ERMP1: variants seen among roughly 807,000 people sequenced by gnomAD.
ERMP1 encodes the protein Felix-ina.
Under a neutral mutation model 92.0 loss-of-function variants are expected in ERMP1, and 86 were observed. That is an observed-to-expected ratio of 0.93 (90% CI 0.79 to 1.12). The LOEUF (loss-of-function observed/expected upper bound fraction) is 1.12. Among genes scored for constraint, ERMP1 ranks in the 50% most tolerant of loss-of-function variants. The pLI is 0.00. For missense variants in ERMP1, 1,342 were observed against 1,116.3 expected (o/e 1.20, Z -2.88); for synonymous variants, 530 against 412.8 (o/e 1.28, Z -3.44).
chr9:5,810,040 G>T lies in ERMP1; in HGVS notation c.1519C>A (p.His507Asn), dbSNP rs138074030. Residue 507 changes from histidine (H) to asparagine (N), a missense_variant, in exon 8 of 15, where the codon CAT becomes AAT. His to Asn is a moderately conservative substitution (Grantham distance 68). Transcript: ENST00000339450. The part of the protein sequence containing the change: ...TATVAKIILI[H>N]TLAKRFYYMN... ...TAATAAAATCTTTTCGCAAGAGTAT[G>T]TATAAGTATTATTTTGGCTACAGTT... is the stretch of plus-strand genomic sequence containing the variant. 1.1e-4 allele frequency: 185 copies of T among 1,611,826 alleles called. No individual in the cohort carries two copies. Among genetic ancestry groups the T allele is most frequent in the Non-Finnish European group, 1.5e-4 (182 of 1,178,196 alleles).
chr9:5,840,746 G>C (rs1830153439), intron 6 of ERMP1, among the ~76,000 whole-genome samples: 1 of 152,202 alleles, frequency 6.6e-6, no homozygotes, highest in African/African-American at 2.4e-5. Context: ...TAATAGGGTT[G>C]TCCTGAGGCC....
intron 10 of ERMP1, among the ~76,000 whole-genome samples, chr9:5,803,034 A>AAAACAAAC (rs143822704): frequency 1.3e-5 from 2 of 151,604 alleles, no homozygotes; most frequent in African/African-American, 4.8e-5. Context: ...CTCTGTCTCA[A>AAAACAAAC]AAACAAACAA....
chr9:5,858,519 T>C (rs1202863639), intron 6 of ERMP1, among the ~76,000 whole-genome samples: 8 of 152,206 alleles, frequency 5.3e-5, no homozygotes, highest in Non-Finnish European at 8.8e-5. Flanking sequence ...CACAGTGTCC[T>C]GCACACCTCC....
At position 5,797,928 on chromosome 9, in the gene ERMP1, T is replaced by C; in HGVS notation, c.2275A>G (p.Asn759Asp). 1 of 1,601,620 alleles carries C rather than the reference T, an allele frequency of 6.2e-7. No homozygotes were observed. Among genetic ancestry groups the C allele is most frequent in the Non-Finnish European group, 8.5e-7 (1 of 1,169,666 alleles). The change falls in exon 13 of 15, where the codon AAC becomes GAC. Residue 759 changes from asparagine to aspartate, a missense_variant. By Grantham distance (23) the Asn-to-Asp change is conservative. Transcript: ENST00000339450. ...ACTTCTGGGGCAGGAAGATACCAGTTTTTCCTATTTAGAAAGGAAGCTTCA... is the reference window on the plus strand; with the variant it reads ...ACTTCTGGGGCAGGAAGATACCAGTCTTTCCTATTTAGAAAGGAAGCTTCA... ...YLPVHFLIRK[N>D]WYLPAPEVSP...
intron 6 of ERMP1, among the ~76,000 whole-genome samples, chr9:5,842,410 G>T (rs1830176526): frequency 6.7e-6 from 1 of 148,790 alleles, no homozygotes. Flanking sequence ...TCCAGCCTGG[G>T]TGACAGGCAG....
At position 5,830,770 on chromosome 9, in the gene ERMP1, A is replaced by C. The variant is rs1366797276; in HGVS notation, c.597T>G (p.Ala199=). The C allele has an allele frequency of 2.5e-6, 4 of 1,614,136 alleles. No individual in the cohort carries two copies. The highest frequency in any genetic ancestry group is 1.6e-4 in the Middle Eastern group (1 of 6,062). The part of the protein sequence containing the change: ...KLEPRDGAQH[A]VLANCHFDSV... The stretch of plus-strand genomic sequence containing the variant: ...AGTCAAAATGACAATTAGCCAAGAC[A>C]GCATGCTGGGCTCCATCTCTGGGTT... Residue 199 remains alanine, a synonymous_variant, in exon 2 of 15, where the codon GCT becomes GCG. Transcript: ENST00000339450.
chr9:5,799,432 T>G (rs554712549), intron 11 of ERMP1, among the ~76,000 whole-genome samples: 1 of 152,284 alleles, frequency 6.6e-6, no homozygotes, highest in African/African-American at 2.4e-5. Flanking sequence ...GACAGCCTTG[T>G]GCCTAACAGA....
intron 8 of ERMP1, among the ~76,000 whole-genome samples, chr9:5,809,696 A>G (rs1829016625): frequency 6.6e-6 from 1 of 152,220 alleles, no homozygotes; most frequent in African/African-American, 2.4e-5. Flanking sequence ...CAAATAACAT[A>G]AATAAGTGGG....
rs566790616 is a variant in ERMP1 at position 5,857,499 on chromosome 9, T to C, written n.3199+1969A>G. On this transcript the variant is annotated intron_variant and non_coding_transcript_variant, in intron 6 of 6. Transcript: ENST00000690753. The stretch of plus-strand genomic sequence containing the variant: ...GGGATTACAAATAGATTTTAGTGAG[T>C]AGACGAATTTGCAAATATAGAATCT... Among the ~76,000 whole-genome samples the C allele has an allele frequency of 5.9e-4, 90 of 152,274 alleles. 1 individual carries two copies. The highest frequency in any genetic ancestry group is 2.1e-3 in the African/African-American group (87 of 41,542).
intron 3 of ERMP1, among the ~76,000 whole-genome samples, chr9:5,824,704 T>C (rs570632123): frequency 7.2e-4 from 110 of 152,264 alleles, no homozygotes; most frequent in Non-Finnish European, 1.1e-3. Context: ...CCTGGCCCCC[T>C]TCTCTTTTTA....
rs761713486 is a variant in ERMP1, at chr9:5,830,438, G to A, written c.640+289C>T. On this transcript the variant is annotated intron_variant, in intron 2 of 14. Transcript: ENST00000339450. ...TCCAGGACACTAGGACACACACACT[G>A]TCTGGTAACATTGAGAAAGCTGCTT... Among the ~76,000 whole-genome samples, 17 of 152,274 alleles carry A rather than the reference G, an allele frequency of 1.1e-4. No individual in the cohort carries two copies. In the South Asian group the frequency reaches 3.3e-3, roughly 30 times the overall value.
intron 6 of ERMP1, among the ~76,000 whole-genome samples, chr9:5,859,126 A>G (rs1830425661): frequency 6.6e-6 from 1 of 152,208 alleles, no homozygotes; most frequent in Non-Finnish European, 1.5e-5. Flanking sequence ...ACTCCAAGTC[A>G]TGTCCTCTCT....
At chr9:5,807,163 C>T (rs1828900297) in intron 8 of ERMP1, among the ~76,000 whole-genome samples, 1 of 152,164 alleles carries the variant, frequency 6.6e-6, no homozygotes, top group South Asian at 2.1e-4. Context: ...CTATTCATCC[C>T]CTGCCCACTC....
upstream of ERMP1, among the ~76,000 whole-genome samples, chr9:5,834,963 AGATG>A (rs369814930): frequency 6.0e-5 from 7 of 117,218 alleles, no homozygotes; most frequent in Admixed American, 5.5e-4. Context: ...GACAGATGAT[AGATG>A]GATAGATAGA....
At chr9:5,810,416 T>A (rs879667397) in intron 7 of ERMP1, among the ~76,000 whole-genome samples, 185 bp from the exon 8 acceptor site, 2 of 152,144 alleles carry the variant, frequency 1.3e-5, no homozygotes, top group Non-Finnish European at 2.9e-5. Flanking sequence ...AATAATAATA[T>A]TCAGGTAACA....
rs778249579 is a variant in ERMP1 at position 5,801,172 on chromosome 9, T to C, written c.2067+4A>G. 7 of 1,607,954 alleles carry C rather than the reference T, an allele frequency of 4.4e-6. No homozygotes were observed. In the Admixed American group the frequency reaches 1.2e-4, roughly 27 times the overall value. ...TCTCAAATACCTCATGCAAAACTGC[T>C]CACCTGAAGAAACACTCTCTTTGGC... is the stretch of plus-strand genomic sequence containing the variant. On this transcript the variant is annotated splice_donor_region_variant and intron_variant, in intron 11 of 14. Transcript: ENST00000339450.
intron 1 of ERMP1, 128 bp from the exon 2 acceptor site, chr9:5,831,156 C>T: frequency 1.5e-6 from 1 of 652,780 alleles, no homozygotes; most frequent in Non-Finnish European, 2.6e-6. Context: ...AAAGGGACCG[C>T]CTTTCATTAT....
At chr9:5,866,938 G>C (rs1000955801) in intron 5 of ERMP1, among the ~76,000 whole-genome samples, 1 of 152,164 alleles carries the variant, frequency 6.6e-6, no homozygotes, top group Non-Finnish European at 1.5e-5. Flanking sequence ...AGGCACAGTG[G>C]CTCATGCCTA....
In ERMP1 at chr9:5,832,993, C is replaced by A; in HGVS notation, c.35G>T (p.Arg12Leu). The change falls in exon 1 of 15, where the codon CGG becomes CTG. Residue 12 changes from arginine (R) to leucine (L), a missense_variant. By Grantham distance (102) the Arg-to-Leu change is moderately radical. Transcript: ENST00000339450. ...EWGSESAAVR[R>L]HRVGVERREG... ...TCGACGCTCTACTCCGACGCGGTGC[C>A]GCCTCACAGCAGCCGACTCAGAACC... 1 of 1,558,952 alleles carries A rather than the reference C, an allele frequency of 6.4e-7. No individual in the cohort carries two copies. The highest frequency in any genetic ancestry group is 8.6e-7 in the Non-Finnish European group (1 of 1,163,516).
Sources: gnomAD v4.1 joint callset for allele counts (sites outside exome capture counted in the v4.1 genomes callset) on GRCh38, gnomAD v4.1.1 for gene constraint, MANE v1.5 for transcripts, NCBI Gene and HGNC (gene_info 2026-07-23, HGNC 2026-07-21) for gene names.